FBXO4: variants seen among roughly 807,000 people sequenced by gnomAD.
The protein encoded by FBXO4 is F-box only protein 4.
A neutral mutation model predicts 43.7 loss-of-function variants in FBXO4; 36 were observed. The ratio of observed to expected loss-of-function variants is 0.82; its 90% CI spans 0.63 to 1.09. FBXO4 has a LOEUF of 1.09. Among genes scored for constraint, FBXO4 ranks in the 50% least tolerant of loss-of-function variants. The pLI, the probability that FBXO4 is intolerant of heterozygous loss-of-function variation, is 0.00. For missense variants in FBXO4, 435 were observed against 474.1 expected (o/e 0.92, Z 0.77); for synonymous variants, 180 against 165.6 (o/e 1.09, Z -0.67).
At chr5:41,980,594 T>A in the FBXO4 span, among the ~76,000 whole-genome samples, 6 of 152,222 alleles carry the variant, frequency 3.9e-5, no homozygotes, top group Non-Finnish European at 8.8e-5. Flanking sequence ...AAAACATTCC[T>A]AAGTGAACTG....
chr5:42,034,473 C>G, the FBXO4 span, among the ~76,000 whole-genome samples: 1 of 152,126 alleles, frequency 6.6e-6, no homozygotes, highest in Non-Finnish European at 1.5e-5. Context: ...CTTAGGTTTT[C>G]TTCTAGGGTT....
chr5:42,034,424 A>G, the FBXO4 span, among the ~76,000 whole-genome samples: 7 of 152,188 alleles, frequency 4.6e-5, no homozygotes, highest in Admixed American at 1.3e-4. Context: ...CATTTTCGTC[A>G]TGAAGTCTTT....
At chr5:42,035,927 T>G in the FBXO4 span, among the ~76,000 whole-genome samples, 2 of 152,130 alleles carry the variant, frequency 1.3e-5, no homozygotes, top group African/African-American at 4.8e-5. Context: ...AAACTGAGTT[T>G]AAACTGACCC....
the FBXO4 span, among the ~76,000 whole-genome samples, chr5:42,027,596 T>C: frequency 6.6e-6 from 1 of 151,910 alleles, no homozygotes; most frequent in African/African-American, 2.4e-5. Context: ...GGGTTTGATT[T>C]GCTCTTGCTT....
the FBXO4 span, among the ~76,000 whole-genome samples, chr5:41,966,488 TA>T: frequency 6.6e-6 from 1 of 152,190 alleles, no homozygotes; most frequent in Non-Finnish European, 1.5e-5. Context: ...GAGATCTTAC[TA>T]AGGGGTAACA....
At chr5:42,018,706 C>G in the FBXO4 span, among the ~76,000 whole-genome samples, 1 of 152,004 alleles carries the variant, frequency 6.6e-6, no homozygotes, top group Non-Finnish European at 1.5e-5. Context: ...GGTGATTTAC[C>G]TTTTTCCCCC....
intron 1 of FBXO4, 57 bp from the exon 2 acceptor site, chr5:41,926,956 A>G: frequency 9.5e-7 from 1 of 1,055,502 alleles, no homozygotes; most frequent in Non-Finnish European, 1.4e-6. Flanking sequence ...GTGGTTTATC[A>G]CCCAAAAACT....
chr5:41,976,547 C>A, the FBXO4 span, among the ~76,000 whole-genome samples: 2 of 152,152 alleles, frequency 1.3e-5, no homozygotes, highest in Non-Finnish European at 2.9e-5. Context: ...GCAGGGCAGG[C>A]GTTAAATCTT....
At chr5:42,016,024 T>C in the FBXO4 span, among the ~76,000 whole-genome samples, 1 of 152,066 alleles carries the variant, frequency 6.6e-6, no homozygotes, top group Non-Finnish European at 1.5e-5. Flanking sequence ...GGTAGAAATG[T>C]TAAGTCTTGT....
At chr5:42,013,854 G>A in the FBXO4 span, among the ~76,000 whole-genome samples, 6 of 152,272 alleles carry the variant, frequency 3.9e-5, no homozygotes, top group East Asian at 3.9e-4. Flanking sequence ...CAGCAAGTAC[G>A]TTCTCCATGA....
chr5:41,926,541 C>T (rs1042706832), intron 1 of FBXO4, among the ~76,000 whole-genome samples: 4 of 152,174 alleles, frequency 2.6e-5, no homozygotes, highest in Admixed American at 6.5e-5. Context: ...CCACTGCACT[C>T]CAGCCTGGGC....
intron 1 of FBXO4, 45 bp from the exon 2 acceptor site, chr5:41,926,968 T>C (rs1751523673): frequency 7.8e-7 from 1 of 1,280,816 alleles, no homozygotes; most frequent in Admixed American, 2.4e-5. Flanking sequence ...CCAAAAACTA[T>C]TTTCTTCATT....
At chr5:41,939,712 C>A in intron 6 of FBXO4, 96 bp downstream of exon 6, 1 of 1,003,722 alleles carries the variant, frequency 1.0e-6, no homozygotes, top group Non-Finnish European at 1.4e-6. Context: ...AATGAAATGG[C>A]ATTCTAAAGT....
At chr5:41,967,294 G>T in the FBXO4 span, 1 of 447,816 alleles carries the variant, frequency 2.2e-6, no homozygotes, top group African/African-American at 2.0e-5. Context: ...CTGGCTTTTT[G>T]CCTAACTCCT....
At chr5:41,950,821 AT>A in the FBXO4 span, among the ~76,000 whole-genome samples, 1 of 152,256 alleles carries the variant, frequency 6.6e-6, no homozygotes, top group Non-Finnish European at 1.5e-5. Context: ...CCAAATGCCC[AT>A]CAATGATAGA....
At chr5:41,967,897 T>G in the FBXO4 span, 2 of 565,390 alleles carry the variant, frequency 3.5e-6, no homozygotes, top group Admixed American at 1.9e-5. Context: ...TATCTCACTG[T>G]TGATTCCCAC....
In FBXO4 at chr5:41,925,328, C is replaced by A; in HGVS notation, c.19C>A (p.Arg7Ser). The stretch of plus-strand genomic sequence containing the variant: ...GCAAGCCATGGCGGGAAGCGAGCCG[C>A]GCAGCGGAACAAACTCGCCGCCGCC... MAGSEP[R>S]SGTNSPPPPF... Residue 7 changes from arginine (R) to serine (S), a missense_variant, in exon 1 of 7, where the codon CGC (arginine) becomes AGC (serine). By Grantham distance (110) the Arg-to-Ser change is moderately radical (BLOSUM62 -1). Transcript: ENST00000281623. The A allele has an allele frequency of 7.4e-7, 1 of 1,347,340 alleles. No homozygotes were observed. Among genetic ancestry groups the A allele is most frequent in the South Asian group, 1.9e-5 (1 of 54,004 alleles). 83.5% of individuals were successfully genotyped at this position (1,347,340 alleles called of 1,614,324 possible).
chr5:42,020,289 T>C, the FBXO4 span, among the ~76,000 whole-genome samples: 1 of 152,214 alleles, frequency 6.6e-6, no homozygotes, highest in Non-Finnish European at 1.5e-5. Context: ...TGAAGTGATC[T>C]AATATCAATC....
At chr5:41,959,690 C>T in the FBXO4 span, among the ~76,000 whole-genome samples, 2 of 151,962 alleles carry the variant, frequency 1.3e-5, no homozygotes, top group Non-Finnish European at 2.9e-5. Context: ...GGATTTATTC[C>T]TGGACTCTCT....
Sources: allele counts gnomAD v4.1 joint callset (sites outside exome capture counted in the v4.1 genomes callset), GRCh38; gene constraint gnomAD v4.1.1; transcripts MANE v1.5; gene names NCBI Gene and HGNC (gene_info 2026-07-23, HGNC 2026-07-21).